GPC6: variants seen among roughly 807,000 people sequenced by gnomAD.
GPC6 encodes the protein glypican 6.
GPC6 carries 14 observed loss-of-function variants against 55.2 expected under a neutral mutation model. The ratio of observed to expected loss-of-function variants is 0.25; its 90% CI spans 0.17 to 0.40. The LOEUF is 0.40. Among genes scored for constraint, GPC6 ranks in the 10% least tolerant of loss-of-function variants. GPC6 has a pLI of 1.00. For synonymous variants in GPC6, 278 were observed against 259.6 expected (o/e 1.07, Z -0.68); for missense variants, 641 against 708.5 (o/e 0.90, Z 1.08).
At chr13:93,482,135 A>T (rs1879545079) in intron 1 of GPC6, among the ~76,000 whole-genome samples, 1 of 152,160 alleles carries the variant, frequency 6.6e-6, no homozygotes, top group East Asian at 1.9e-4. Context: ...CTTTCGTTAC[A>T]TTTATTCCTA....
At chr13:94,180,898 G>GA in intron 4 of GPC6, among the ~76,000 whole-genome samples, 2 of 151,776 alleles carry the variant, frequency 1.3e-5, no homozygotes, top group African/African-American at 4.8e-5. Flanking sequence ...GAGAGAGAGA[G>GA]GGAGAGAGAC....
intron 3 of GPC6, among the ~76,000 whole-genome samples, chr13:93,990,761 G>A (rs1881263772): frequency 6.6e-6 from 1 of 151,636 alleles, no homozygotes; most frequent in Admixed American, 6.6e-5. Context: ...TACTTGGGAA[G>A]CTGAGGCATG....
At chr13:93,957,507 A>G (rs189547056) in intron 3 of GPC6, among the ~76,000 whole-genome samples, 102 of 152,298 alleles carry the variant, frequency 6.7e-4, no homozygotes, top group African/African-American at 2.3e-3. Flanking sequence ...TAGTTGGCTT[A>G]GGATTATGGG....
At chr13:94,374,203 C>CA (rs1450164453) in intron 6 of GPC6, among the ~76,000 whole-genome samples, 2 of 149,496 alleles carry the variant, frequency 1.3e-5, no homozygotes, top group Non-Finnish European at 3.0e-5. Flanking sequence ...GGATCAAATT[C>CA]ACACATAACA....
intron 1 of GPC6, among the ~76,000 whole-genome samples, chr13:93,489,337 T>A (rs949019006): frequency 2.0e-5 from 3 of 151,498 alleles, no homozygotes; most frequent in African/African-American, 7.2e-5. Flanking sequence ...TATATCTCTG[T>A]TTTGGTACCA....
At chr13:94,197,028 A>C (rs1889597766) in intron 4 of GPC6, among the ~76,000 whole-genome samples, 1 of 149,062 alleles carries the variant, frequency 6.7e-6, no homozygotes, top group Admixed American at 6.7e-5. Flanking sequence ...TGATGTCAAA[A>C]TGTGGGTTTT....
intron 4 of GPC6, among the ~76,000 whole-genome samples, chr13:94,162,788 G>T (rs1050386770): frequency 6.6e-6 from 1 of 152,010 alleles, no homozygotes; most frequent in Non-Finnish European, 1.5e-5. Context: ...GCATATATAT[G>T]TTGTGATTCT....
At chr13:93,276,458 C>CGG (rs1877740618) in intron 1 of GPC6, among the ~76,000 whole-genome samples, 1 of 117,462 alleles carries the variant, frequency 8.5e-6, no homozygotes, top group African/African-American at 3.3e-5. Flanking sequence ...CTGGCCTTTT[C>CGG]AGAGAGAGAG....
At chr13:93,704,088 G>A (rs1021872757) in intron 2 of GPC6, among the ~76,000 whole-genome samples, 1 of 151,844 alleles carries the variant, frequency 6.6e-6, no homozygotes, top group African/African-American at 2.4e-5. Context: ...CTTTGAGCTC[G>A]AGCCCAATAT....
At chr13:93,618,954 G>A (rs1008454629) in intron 2 of GPC6, among the ~76,000 whole-genome samples, 1 of 152,058 alleles carries the variant, frequency 6.6e-6, no homozygotes, top group African/African-American at 2.4e-5. Context: ...AGGCTGTATG[G>A]TATGGCCTAT....
intron 2 of GPC6, among the ~76,000 whole-genome samples, chr13:93,586,022 T>C (rs1298278294): frequency 6.6e-6 from 1 of 152,102 alleles, no homozygotes; most frequent in Non-Finnish European, 1.5e-5. Context: ...TAGGTAAACT[T>C]GTATCATGGG....
intron 3 of GPC6, among the ~76,000 whole-genome samples, chr13:93,973,946 C>T (rs115014798): frequency 1.2e-4 from 18 of 152,288 alleles, no homozygotes; most frequent in African/African-American, 4.1e-4. Flanking sequence ...TAGTACGTTT[C>T]TTTCAACTCA....
intron 1 of GPC6, among the ~76,000 whole-genome samples, chr13:93,442,383 A>G (rs910939840): frequency 6.6e-6 from 1 of 152,138 alleles, no homozygotes; most frequent in Non-Finnish European, 1.5e-5. Context: ...AAAGGAGAAA[A>G]GGGTCTGATT....
At chr13:93,311,813 C>T (rs1466453721) in intron 1 of GPC6, among the ~76,000 whole-genome samples, 1 of 152,154 alleles carries the variant, frequency 6.6e-6, no homozygotes. Flanking sequence ...GATGCAGACT[C>T]ATACTTCAAG....
chr13:94,294,618 T>C (rs1875222510), intron 5 of GPC6, among the ~76,000 whole-genome samples: 1 of 152,102 alleles, frequency 6.6e-6, no homozygotes, highest in Non-Finnish European at 1.5e-5. Context: ...AGGTTTCTTT[T>C]TCCAGCATCC....
At chr13:93,399,876 A>T (rs1876005820) in intron 1 of GPC6, among the ~76,000 whole-genome samples, 1 of 152,212 alleles carries the variant, frequency 6.6e-6, no homozygotes, top group South Asian at 2.1e-4. Flanking sequence ...TGTGTGTTCT[A>T]CAAGCTTCTT....
At chr13:94,138,812 C>T (rs1887271948) in intron 4 of GPC6, among the ~76,000 whole-genome samples, 1 of 152,142 alleles carries the variant, frequency 6.6e-6, no homozygotes, top group Non-Finnish European at 1.5e-5. Context: ...AGAAGCTCTC[C>T]TGTACTGAGT....
chr13:93,719,063 C>T (rs774869979), intron 2 of GPC6, among the ~76,000 whole-genome samples: 6 of 151,808 alleles, frequency 4.0e-5, no homozygotes, highest in South Asian at 2.1e-4. Context: ...TTTGGCTATA[C>T]GGGCTGTTTT....
chr13:93,944,324 C>T (rs1594608836), intron 3 of GPC6, among the ~76,000 whole-genome samples: 3 of 152,208 alleles, frequency 2.0e-5, no homozygotes, highest in Admixed American at 2.0e-4. Flanking sequence ...CTGCCTCAGC[C>T]TCCCGAGTAG....
Sources: gnomAD v4.1 joint callset for allele counts (sites outside exome capture counted in the v4.1 genomes callset) on GRCh38, gnomAD v4.1.1 for gene constraint, MANE v1.5 for transcripts, NCBI Gene and HGNC (gene_info 2026-07-23, HGNC 2026-07-21) for gene names.